FRMD6: variants seen among roughly 807,000 people sequenced by gnomAD.
FRMD6 encodes FERM domain-containing protein 6.
Under a neutral mutation model 73.2 loss-of-function variants are expected in FRMD6, and 37 were observed. The observed-to-expected ratio is 0.51, with a 90% CI of 0.39 to 0.66. The LOEUF (loss-of-function observed/expected upper bound fraction) is 0.66, where lower values mean the gene tolerates loss of function less well. Ranked by LOEUF, FRMD6 falls within the 30% of genes least tolerant of loss-of-function variation. The probability of loss-of-function intolerance (pLI) is 0.00; values close to 1 mark genes in which losing one functional copy is unlikely to be tolerated. For missense variants in FRMD6, 714 were observed against 780.5 expected, an observed-to-expected ratio of 0.91 and a Z score of 1.02; for synonymous variants, 273 against 282.2, an observed-to-expected ratio of 0.97 and a Z score of 0.33.
At chr14:51,439,316 G>A in the FRMD6 span, among the ~76,000 whole-genome samples, 2 of 152,096 alleles carry the variant, frequency 1.3e-5, no homozygotes, top group African/African-American at 4.8e-5. Context: ...GATTTTTTGG[G>A]GGAAAGAATG....
chr14:51,422,281 T>G, the FRMD6 span, among the ~76,000 whole-genome samples: 1 of 152,148 alleles, frequency 6.6e-6, no homozygotes, highest in African/African-American at 2.4e-5. Context: ...TCATCAACAG[T>G]AGCAACAGTA....
chr14:51,675,780 A>ATG (rs925066437), intron 1 of FRMD6, among the ~76,000 whole-genome samples: 4 of 151,782 alleles, frequency 2.6e-5, no homozygotes, highest in African/African-American at 4.8e-5. Context: ...CACATGTACA[A>ATG]TGTGTGTGTG....
chr14:51,569,885 G>A (rs889866428), intron 1 of FRMD6, among the ~76,000 whole-genome samples: 2 of 150,886 alleles, frequency 1.3e-5, no homozygotes, highest in African/African-American at 4.9e-5. Flanking sequence ...GCGCGATCTC[G>A]GCTCACTGCA....
At chr14:51,577,120 G>A (rs78125396) in intron 2 of FRMD6, among the ~76,000 whole-genome samples, 6,882 of 152,208 alleles carry the variant, frequency 0.045, 325 homozygotes, top group African/African-American at 0.11. Flanking sequence ...GTTTCAGCAC[G>A]TTCTTTGTTT....
At chr14:51,451,009 C>G in the FRMD6 span, among the ~76,000 whole-genome samples, 1 of 152,154 alleles carries the variant, frequency 6.6e-6, no homozygotes, top group African/African-American at 2.4e-5. Flanking sequence ...CACAGAAGAC[C>G]TCCTGCAGGT....
intron 3 of FRMD6, among the ~76,000 whole-genome samples, chr14:51,698,865 A>C (rs1231860874): frequency 6.6e-6 from 1 of 152,002 alleles, no homozygotes; most frequent in South Asian, 2.1e-4. Flanking sequence ...GACTTCTCTA[A>C]AGCCATTTAT....
chr14:51,407,474 T>C, the FRMD6 span, among the ~76,000 whole-genome samples: 1 of 151,854 alleles, frequency 6.6e-6, no homozygotes, highest in Admixed American at 6.6e-5. Flanking sequence ...TACCAAACAT[T>C]CAAAATTGGT....
intron 2 of FRMD6, among the ~76,000 whole-genome samples, chr14:51,597,379 T>C (rs1278897033): frequency 6.6e-6 from 1 of 152,218 alleles, no homozygotes; most frequent in Non-Finnish European, 1.5e-5. Flanking sequence ...GGAGACAGCA[T>C]CCGCCCTTCA....
chr14:51,689,523 T>C (rs545393002), intron 1 of FRMD6, among the ~76,000 whole-genome samples, 168 bp from the exon 2 acceptor site: 2 of 152,278 alleles, frequency 1.3e-5, no homozygotes, highest in East Asian at 3.9e-4. Context: ...GTGGGCAAAA[T>C]ACAGAATGAA....
intron 2 of FRMD6, among the ~76,000 whole-genome samples, chr14:51,631,478 T>A (rs967199316): frequency 3.9e-5 from 6 of 152,200 alleles, no homozygotes; most frequent in Non-Finnish European, 8.8e-5. Flanking sequence ...TCTACTTTCA[T>A]TAGTTCTGTT....
the FRMD6 span, among the ~76,000 whole-genome samples, chr14:51,457,372 A>G: frequency 6.6e-6 from 1 of 152,184 alleles, no homozygotes; most frequent in Non-Finnish European, 1.5e-5. Context: ...CAACAAAACA[A>G]GAAGAAAAAC....
intron 2 of FRMD6, among the ~76,000 whole-genome samples, chr14:51,643,133 C>T (rs1356832674): frequency 6.6e-6 from 1 of 152,176 alleles, no homozygotes; most frequent in Non-Finnish European, 1.5e-5. Flanking sequence ...TCTTTAAGAA[C>T]TTGGGCATCT....
At chr14:51,555,466 G>T (rs1304977183) in intron 1 of FRMD6, among the ~76,000 whole-genome samples, 1 of 152,156 alleles carries the variant, frequency 6.6e-6, no homozygotes, top group African/African-American at 2.4e-5. Context: ...TTATAAGGTT[G>T]TAGCTTTAAT....
the FRMD6 span, among the ~76,000 whole-genome samples, chr14:51,451,940 A>G: frequency 6.6e-6 from 1 of 152,208 alleles, no homozygotes; most frequent in South Asian, 2.1e-4. Context: ...AGATTAAGAC[A>G]CCCGTGGAGG....
chr14:51,567,767 C>T (rs1230651959), intron 1 of FRMD6, among the ~76,000 whole-genome samples: 1 of 152,188 alleles, frequency 6.6e-6, no homozygotes, highest in African/African-American at 2.4e-5. Flanking sequence ...ATGCTTAACT[C>T]TCTCCTTTCT....
At chr14:51,452,727 A>G in the FRMD6 span, among the ~76,000 whole-genome samples, 2 of 152,252 alleles carry the variant, frequency 1.3e-5, no homozygotes, top group Non-Finnish European at 2.9e-5. Context: ...TTTAAGGAGC[A>G]TATCTAGAAA....
the FRMD6 span, among the ~76,000 whole-genome samples, chr14:51,410,488 C>T: frequency 6.6e-6 from 1 of 152,180 alleles, no homozygotes; most frequent in Non-Finnish European, 1.5e-5. Flanking sequence ...TCCAATTATT[C>T]TCTTAGGAGA....
intron 1 of FRMD6, among the ~76,000 whole-genome samples, chr14:51,557,843 C>G (rs186373443): frequency 1.8e-4 from 28 of 152,154 alleles, no homozygotes; most frequent in Admixed American, 5.9e-4. Flanking sequence ...GTTGGAAAAA[C>G]TACCTTTTGG....
At chr14:51,574,795 T>G (rs1012925898) in intron 2 of FRMD6, among the ~76,000 whole-genome samples, 1 of 152,204 alleles carries the variant, frequency 6.6e-6, no homozygotes, top group Non-Finnish European at 1.5e-5. Flanking sequence ...AGTGATTTAT[T>G]GTATACTTTA....
Sources: allele counts gnomAD v4.1 joint callset (sites outside exome capture counted in the v4.1 genomes callset), GRCh38; gene constraint gnomAD v4.1.1; transcripts MANE v1.5; gene names NCBI Gene and HGNC (gene_info 2026-07-23, HGNC 2026-07-21).